The following RC3H1 variants were observed in gnomAD, a reference collection of about 807,000 sequenced individuals.
RC3H1 encodes ring finger and CCCH-type domains 1, also known as roquin-1.
Under a neutral mutation model 138.2 loss-of-function variants are expected in RC3H1, and 50 were observed. The ratio of observed to expected loss-of-function variants is 0.36; its 90% CI spans 0.29 to 0.46. The LOEUF (loss-of-function observed/expected upper bound fraction) is 0.46. Among genes scored for constraint, RC3H1 ranks in the 20% least tolerant of loss-of-function variants. The pLI is 1.00. For synonymous variants in RC3H1, 462 were observed against 489.1 expected (o/e 0.94, Z 0.73); for missense variants, 1,031 against 1,388.1 (o/e 0.74, Z 4.09).
At chr1:173,948,818 T>G (rs992186251) in intron 14 of RC3H1, among the ~76,000 whole-genome samples, 1 of 152,068 alleles carries the variant, frequency 6.6e-6, no homozygotes, top group African/African-American at 2.4e-5. Context: ...ACTCCTGGGC[T>G]CAAACAATCC....
rs1288725599 is a variant in RC3H1 at position 173,936,756 on chromosome 1, TATA to T, written c.*1962_*1964del. The T allele has an allele frequency of 6.8e-4, 19 of 27,828 alleles. No homozygotes were observed. The highest frequency in any genetic ancestry group is 6.3e-4 in the Non-Finnish European group (12 of 18,904). The allele number at this position is 27,828 out of a possible 1,614,324, so 1.7% of individuals were successfully genotyped here. On this transcript the variant is annotated 3_prime_UTR_variant, in exon 20 of 20. Transcript: ENST00000367696. ...ATATATATATATATATATATATATA[TATA>T]TATTTTTTTTTTTTTTTTTAAAAAA...
chr1:173,968,609 T>A (rs1222269593), intron 9 of RC3H1, among the ~76,000 whole-genome samples: 1 of 152,180 alleles, frequency 6.6e-6, no homozygotes, highest in Non-Finnish European at 1.5e-5. Flanking sequence ...TTTTTCCCAA[T>A]AATTTTATGG....
intron 1 of RC3H1, among the ~76,000 whole-genome samples, chr1:174,010,394 C>T (rs1019462814): frequency 4.6e-5 from 7 of 151,886 alleles, no homozygotes; most frequent in Non-Finnish European, 8.8e-5. Context: ...GTCTTATCAC[C>T]TAGATCACAA....
intron 2 of RC3H1, among the ~76,000 whole-genome samples, chr1:173,989,082 G>A (rs1298244871): frequency 1.3e-5 from 2 of 152,222 alleles, no homozygotes; most frequent in Non-Finnish European, 2.9e-5. Flanking sequence ...AAGCTACAGC[G>A]TAGTGCTGCG....
intron 9 of RC3H1, among the ~76,000 whole-genome samples, chr1:173,968,689 T>C (rs1222221499): frequency 6.6e-6 from 1 of 152,118 alleles, no homozygotes; most frequent in Non-Finnish European, 1.5e-5. Context: ...TAGAAAATTT[T>C]ACTACTAATT....
At chr1:173,963,667 G>A (rs1659974509) in intron 11 of RC3H1, among the ~76,000 whole-genome samples, 1 of 152,036 alleles carries the variant, frequency 6.6e-6, no homozygotes, top group Non-Finnish European at 1.5e-5. Flanking sequence ...GAGAATATAT[G>A]CTGCCTTACT....
chr1:173,940,044 T>C (rs1365944135), intron 19 of RC3H1, among the ~76,000 whole-genome samples: 1 of 152,216 alleles, frequency 6.6e-6, no homozygotes, highest in Non-Finnish European at 1.5e-5. Flanking sequence ...GGGTTGTTCA[T>C]GGTAGTTGAT....
intron 9 of RC3H1, among the ~76,000 whole-genome samples, chr1:173,966,839 G>A (rs1660144928): frequency 6.6e-6 from 1 of 152,162 alleles, no homozygotes; most frequent in Non-Finnish European, 1.5e-5. Flanking sequence ...CCCCTCAGGG[G>A]TAATTATTGT....
intron 2 of RC3H1, among the ~76,000 whole-genome samples, chr1:173,986,315 G>A (rs913519456): frequency 1.3e-5 from 2 of 152,016 alleles, no homozygotes; most frequent in Non-Finnish European, 2.9e-5. Flanking sequence ...TTCACCTAAT[G>A]TTCTTTCTCA....
At position 173,937,470 on chromosome 1, in the gene RC3H1, T is replaced by TA. The variant is rs1430333443; in HGVS notation, c.*1250dup. The TA allele has an allele frequency of 6.6e-6, 1 of 152,206 alleles. No individual in the cohort carries two copies. Among genetic ancestry groups the TA allele is most frequent in the Non-Finnish European group, 1.5e-5 (1 of 67,970 alleles). 9.4% of individuals were successfully genotyped at this position (152,206 alleles called of 1,614,324 possible). ...CCACTAAACACGTTTTATAGGGTCT[T>TA]AGTTAATTAAGCACAGACACATGGC... On this transcript the variant is annotated 3_prime_UTR_variant, in exon 20 of 20. Transcript: ENST00000367696.
chr1:174,008,856 A>G (rs2860845), intron 1 of RC3H1, among the ~76,000 whole-genome samples: 14,091 of 151,910 alleles, frequency 0.093, 866 homozygotes, highest in East Asian at 0.22. Context: ...GGGCACCGGT[A>G]ATCCCAGCTA....
chr1:173,962,043 T>A lies in RC3H1; in HGVS notation c.1884A>T (p.Pro628=). 1 of 1,613,970 alleles carries A rather than the reference T, an allele frequency of 6.2e-7. No individual in the cohort carries two copies. The highest frequency in any genetic ancestry group is 8.5e-7 in the Non-Finnish European group (1 of 1,179,956). Residue 628 remains proline (P), a synonymous_variant, in exon 12 of 20, where the codon CCA becomes CCT. Coordinates refer to ENST00000367696, the MANE Select transcript of RC3H1 (RefSeq NM_172071.4). ...PQCVSRFVRP[P]PSAPEPAPPY... ...GAGGAGCAGGTTCAGGAGCAGATGG[T>A]GGAGGTCGGACAAAGCGGGACACAC...
intron 11 of RC3H1, 27 bp from the exon 12 acceptor site, chr1:173,962,122 A>G: frequency 6.4e-7 from 1 of 1,553,264 alleles, no homozygotes; most frequent in Non-Finnish European, 8.7e-7. Context: ...AGGACCCAAA[A>G]GCAAATAATG....
At chr1:173,989,260 C>G (rs749829629) in intron 2 of RC3H1, among the ~76,000 whole-genome samples, 1 of 152,002 alleles carries the variant, frequency 6.6e-6, no homozygotes, top group Non-Finnish European at 1.5e-5. Flanking sequence ...TTAGGCTGGT[C>G]TCAAATGATC....
intron 2 of RC3H1, among the ~76,000 whole-genome samples, chr1:173,989,813 G>A (rs1274805156): frequency 7.4e-6 from 1 of 135,496 alleles, no homozygotes; most frequent in Non-Finnish European, 1.5e-5. Flanking sequence ...TGCAAGCTCC[G>A]CTTCCCGGGT....
At chr1:173,984,256 CATG>C (rs1205089779) in intron 3 of RC3H1, among the ~76,000 whole-genome samples, 1 of 152,156 alleles carries the variant, frequency 6.6e-6, no homozygotes, top group Non-Finnish European at 1.5e-5. Context: ...TGGTTTGTGT[CATG>C]ATATTTAGCA....
chr1:173,976,718 C>A (rs1660602678), intron 7 of RC3H1, among the ~76,000 whole-genome samples: 1 of 152,054 alleles, frequency 6.6e-6, no homozygotes, highest in South Asian at 2.1e-4. Flanking sequence ...CAAAGGACAG[C>A]AGTCAGGGAA....
intron 1 of RC3H1, among the ~76,000 whole-genome samples, chr1:174,019,390 T>A (rs1571246415): frequency 6.6e-6 from 1 of 152,202 alleles, no homozygotes; most frequent in Admixed American, 6.5e-5. Flanking sequence ...ATCTAATTTG[T>A]GTCACAAGAT....
intron 2 of RC3H1, among the ~76,000 whole-genome samples, chr1:173,986,632 G>T (rs541887054): frequency 6.6e-6 from 1 of 151,824 alleles, no homozygotes; most frequent in Non-Finnish European, 1.5e-5. Context: ...GCACAATCTC[G>T]GCTCACTGCA....
Sources: allele counts gnomAD v4.1 joint callset (sites outside exome capture counted in the v4.1 genomes callset), GRCh38; gene constraint gnomAD v4.1.1; transcripts MANE v1.5; gene names NCBI Gene and HGNC (gene_info 2026-07-23, HGNC 2026-07-21).